Variants in SH3BP4 observed in about 807,000 individuals in gnomAD.
The protein encoded by SH3BP4 is SH3 domain binding protein 4, also known as SH3 domain-binding protein 4.
SH3BP4 carries 33 observed loss-of-function variants against 65.5 expected under a neutral mutation model. The observed-to-expected ratio is 0.50, with a 90% CI of 0.38 to 0.67. SH3BP4 has a LOEUF of 0.67. SH3BP4 is among the 30% of genes least tolerant of loss of function. The pLI, the probability that SH3BP4 is intolerant of heterozygous loss-of-function variation, is 0.00. For synonymous variants in SH3BP4, 552 were observed against 545.5 expected (o/e 1.01, Z -0.17); for missense variants, 1,134 against 1,261.4 (o/e 0.90, Z 1.53).
rs1430276420 is a variant in SH3BP4, at chr2:234,978,182, C to G, written c.-206-17121C>G. On this transcript the variant is annotated intron_variant, in intron 1 of 5. Coordinates refer to ENST00000392011, the MANE Select transcript of SH3BP4 (RefSeq NM_014521.3). The surrounding 1 kb of genome is among the most constrained non-coding windows in gnomAD (Gnocchi z 4.1). ...TGTTGGCCAGGCTGGAATCGAACTC[C>G]CGACCTCAGGTGATCCGCCTGCCTC... is the stretch of plus-strand genomic sequence containing the variant. Among the ~76,000 whole-genome samples, 1 of 152,190 alleles carries G rather than the reference C, an allele frequency of 6.6e-6. No homozygotes were observed. Among genetic ancestry groups the G allele is most frequent in the African/African-American group, 2.4e-5 (1 of 41,446 alleles).
rs1695733012 is a variant in SH3BP4 at position 235,043,136 on chromosome 2, A to G, written c.2367A>G (p.Ala789=). 2 of 1,613,296 alleles carry G rather than the reference A, an allele frequency of 1.2e-6. No homozygotes were observed. Among genetic ancestry groups the G allele is most frequent in the Non-Finnish European group, 1.7e-6 (2 of 1,179,722 alleles). Residue 789 remains alanine, a synonymous_variant, in exon 4 of 6, where the codon GCA becomes GCG. Transcript: ENST00000392011. The part of the protein sequence containing the change: ...VNLPLTFFCR[A]ELDSEPERVA... ...TGCCGCTCACCTTTTTCTGCCGGGC[A>G]GAGCTGGATAGTGAGCCCGAGCGGG...
intron 2 of SH3BP4, among the ~76,000 whole-genome samples, chr2:235,021,981 CA>C (rs1466629227): frequency 6.6e-6 from 1 of 151,962 alleles, no homozygotes; most frequent in Non-Finnish European, 1.5e-5. Context: ...ATTCTTTGTA[CA>C]TTAATGTCAG....
chr2:234,990,359 G>A lies in SH3BP4; in HGVS notation c.-206-4944G>A, dbSNP rs991158183. On this transcript the variant is annotated intron_variant, in intron 1 of 5. Coordinates refer to ENST00000392011, the MANE Select transcript of SH3BP4 (RefSeq NM_014521.3). ...TGGCTCCATTGATGTCCACTGTGGA[G>A]GCTTAAAAAATCTAAGAAATAGGCT... Among the ~76,000 whole-genome samples, 3 of 152,156 alleles carry A rather than the reference G, an allele frequency of 2.0e-5. No individual in the cohort carries two copies. In the South Asian group the frequency reaches 6.2e-4, roughly 32 times the overall value.
intron 1 of SH3BP4, among the ~76,000 whole-genome samples, chr2:234,989,203 G>A (rs1042202086): frequency 2.6e-5 from 4 of 152,146 alleles, no homozygotes; most frequent in Admixed American, 6.5e-5. Context: ...AGTCTTGGAC[G>A]TGCCGTGCAT....
chr2:235,046,488 CTT>C lies in SH3BP4; in HGVS notation c.2478+3242_2478+3243del, dbSNP rs1162432371. Among the ~76,000 whole-genome samples, 16 of 152,108 alleles carry C rather than the reference CTT, an allele frequency of 1.1e-4. No homozygotes were observed. The highest frequency in any genetic ancestry group is 3.1e-4 in the African/African-American group (13 of 41,452). On this transcript the variant is annotated intron_variant, in intron 4 of 5. Transcript: ENST00000392011. This position sits in a 1 kb window ranked among gnomAD's most constrained non-coding sequence, Gnocchi z 4.2. ...TTGGGAGGCTGAGGTGGGAGGATCA[CTT>C]GAGCCCAGGAGGTCGAGGCTACACT...
chr2:235,042,388 GTA>G lies in SH3BP4; in HGVS notation c.1621_1622del (p.Met541ValfsTer45). ...TCCAGGCCCCAGGATCTCAAGGTCT[GTA>G]TGTTTTCCAATATGACGAATTACGA... On this transcript the variant is annotated frameshift_variant, in exon 4 of 6. Transcript: ENST00000392011. LOFTEE classifies it high-confidence loss of function. This position sits in a 1 kb window ranked among gnomAD's most constrained non-coding sequence, Gnocchi z 7.3. 6.2e-7 allele frequency: 1 copy of G among 1,614,176 alleles called. No individual in the cohort carries two copies.
chr2:234,979,664 G>GTC (rs1235355265), intron 1 of SH3BP4: 1 of 152,258 alleles, frequency 6.6e-6, no homozygotes, highest in Admixed American at 6.5e-5. Context: ...ACAACAGATG[G>GTC]TCTCCCCTGC....
chr2:235,038,384 T>TA (rs1220502206), intron 3 of SH3BP4, among the ~76,000 whole-genome samples: 1 of 16,512 alleles, frequency 6.1e-5, no homozygotes, highest in Non-Finnish European at 9.3e-5. Flanking sequence ...TACATATATA[T>TA]ATATATATAT....
intron 1 of SH3BP4, among the ~76,000 whole-genome samples, chr2:234,983,775 G>A (rs1188896111): frequency 1.3e-5 from 2 of 152,168 alleles, no homozygotes; most frequent in Admixed American, 6.5e-5. Flanking sequence ...CTTTGAAGAT[G>A]GTGGAGGGGC....
Position 234,997,371 on chromosome 2 carries a change from A to G in SH3BP4, c.-133+1995A>G, listed in dbSNP as rs375347548. On this transcript the variant is annotated intron_variant, in intron 2 of 5. Transcript: ENST00000392011. The surrounding 1 kb of genome is among the most constrained non-coding windows in gnomAD (Gnocchi z 4.2). ...AGTTTTGTCCGTGGCAAATTTCGTG[A>G]TTTGCACATAGTTCCCACCTCATGG... Among the ~76,000 whole-genome samples the G allele has an allele frequency of 4.3e-4, 66 of 152,152 alleles. 1 individual carries two copies. The highest frequency in any genetic ancestry group is 6.8e-3 in the Middle Eastern group (2 of 294).
chr2:234,982,928 G>T (rs1374872257), intron 1 of SH3BP4, among the ~76,000 whole-genome samples: 1 of 152,220 alleles, frequency 6.6e-6, no homozygotes, highest in Non-Finnish European at 1.5e-5. Context: ...TGATGATGAG[G>T]CAGTGGGGCT....
intron 2 of SH3BP4, among the ~76,000 whole-genome samples, chr2:235,017,632 CAT>C (rs1694730052): frequency 6.6e-6 from 1 of 152,070 alleles, no homozygotes; most frequent in Non-Finnish European, 1.5e-5. Context: ...GCTTTATCGA[CAT>C]GAGTGAGCAT....
chr2:234,980,966 A>C (rs1394771284), intron 1 of SH3BP4, among the ~76,000 whole-genome samples: 4 of 152,050 alleles, frequency 2.6e-5, no homozygotes, highest in Non-Finnish European at 5.9e-5. Flanking sequence ...AGCTCTGCCC[A>C]CTGCAACCTC....
chr2:234,962,725 T>C (rs1692743496), intron 1 of SH3BP4, among the ~76,000 whole-genome samples: 2 of 152,000 alleles, frequency 1.3e-5, no homozygotes, highest in South Asian at 4.2e-4. Flanking sequence ...TTTCAATAAG[T>C]ATTTATTGAA....
rs1003268307 is a variant in SH3BP4 at position 234,977,464 on chromosome 2, C to T, written c.-206-17839C>T. Among the ~76,000 whole-genome samples the T allele has an allele frequency of 1.3e-5, 2 of 152,138 alleles. No individual in the cohort carries two copies. Among genetic ancestry groups the T allele is most frequent in the Non-Finnish European group, 2.9e-5 (2 of 68,014 alleles). On this transcript the variant is annotated intron_variant, in intron 1 of 5. Transcript: ENST00000392011. This position sits in a 1 kb window ranked among gnomAD's most constrained non-coding sequence, Gnocchi z 5.1. ...ACACGGAGGCAGATCAGCTTTTTGCCGAGTGAACTTGAGAACCGGAGCAGA... is the reference window on the plus strand; with the variant it reads ...ACACGGAGGCAGATCAGCTTTTTGCTGAGTGAACTTGAGAACCGGAGCAGA...
chr2:234,987,550 C>T (rs1303082055), intron 1 of SH3BP4, among the ~76,000 whole-genome samples: 1 of 152,172 alleles, frequency 6.6e-6, no homozygotes, highest in African/African-American at 2.4e-5. Context: ...ACCCTTCATT[C>T]CCCAGGCCGC....
intron 2 of SH3BP4, among the ~76,000 whole-genome samples, chr2:235,011,301 C>A (rs1694497129): frequency 6.6e-6 from 1 of 152,148 alleles, no homozygotes; most frequent in Admixed American, 6.5e-5. Flanking sequence ...CACGTTCCTT[C>A]AAAAAATATC....
intron 1 of SH3BP4, among the ~76,000 whole-genome samples, chr2:234,957,893 G>A (rs532553620): frequency 9.9e-4 from 151 of 152,264 alleles, no homozygotes; most frequent in African/African-American, 3.5e-3. Context: ...GCCTCGTAGA[G>A]GGTGAGGAAG....
rs1441652876 is a variant in SH3BP4, at chr2:235,043,092, G to C, written c.2323G>C (p.Ala775Pro). 44 of 1,613,458 alleles carry C rather than the reference G, an allele frequency of 2.7e-5. No homozygotes were observed. Among genetic ancestry groups the C allele is most frequent in the Non-Finnish European group, 3.6e-5 (43 of 1,179,938 alleles). Residue 775 changes from alanine to proline, a missense_variant, in exon 4 of 6, where the codon GCC becomes CCC. Ala to Pro is a conservative substitution (Grantham distance 27). Transcript: ENST00000392011. Reference protein sequence around the residue: ...NISSWRSFADALGYVNLPLTF... With the variant: ...NISSWRSFADPLGYVNLPLTF... ...CAGCAGCTGGCGCTCCTTCGCTGAC[G>C]CCCTGGGCTACGTGAACCTGCCGCT...
Sources: gnomAD v4.1 joint callset for allele counts (sites outside exome capture counted in the v4.1 genomes callset) on GRCh38, gnomAD v4.1.1 for gene constraint, Gnocchi (gnomAD v3.1) non-coding constraint, MANE v1.5 for transcripts, NCBI Gene and HGNC (gene_info 2026-07-23, HGNC 2026-07-21) for gene names.